The following PXDN variants were observed in gnomAD, a reference collection of about 807,000 sequenced individuals.
The protein encoded by PXDN is peroxidasin, also known as peroxidasin homolog.
PXDN carries 77 observed loss-of-function variants against 140.3 expected under a neutral mutation model. The ratio of observed to expected loss-of-function variants is 0.55; its 90% CI spans 0.46 to 0.66. The LOEUF (loss-of-function observed/expected upper bound fraction) is 0.66. PXDN is among the 30% of genes least tolerant of loss of function. The pLI is 0.00. For missense variants in PXDN, 1,838 were observed against 2,039.5 expected, an observed-to-expected ratio of 0.90 and a Z score of 1.90; for synonymous variants, 911 against 857.4, an observed-to-expected ratio of 1.06 and a Z score of -1.09.
intron 13 of PXDN, among the ~76,000 whole-genome samples, 156 bp from the exon 14 acceptor site, chr2:1,661,193 A>C (rs1273891963): frequency 6.6e-6 from 1 of 152,200 alleles, no homozygotes; most frequent in Non-Finnish European, 1.5e-5. Flanking sequence ...AAAGCGAAGG[A>C]GATGTGGTCA....
chr2:1,653,137 G>A (rs1012656266), intron 16 of PXDN: 8 of 238,834 alleles, frequency 3.3e-5, no homozygotes, highest in African/African-American at 1.3e-4. Context: ...AGTGAGTGGG[G>A]GACATACCTC....
intron 1 of PXDN, among the ~76,000 whole-genome samples, chr2:1,728,649 GC>G (rs772552782): frequency 3.6e-4 from 55 of 152,262 alleles, no homozygotes; most frequent in Non-Finnish European, 6.3e-4. Flanking sequence ...TGGTGATTTT[GC>G]TATTTAAAAC....
At chr2:1,698,094 G>T (rs973983865) in intron 1 of PXDN, among the ~76,000 whole-genome samples, 2 of 152,066 alleles carry the variant, frequency 1.3e-5, no homozygotes, top group African/African-American at 4.8e-5. Context: ...AAGCGTGAGG[G>T]GTGCATCCCT....
chr2:1,671,719 C>T (rs1162625630), intron 9 of PXDN, among the ~76,000 whole-genome samples: 2 of 152,208 alleles, frequency 1.3e-5, no homozygotes, highest in Admixed American at 1.3e-4. Flanking sequence ...CTACACGTCA[C>T]TCTATTCCTA....
chr2:1,635,611 A>T (rs1682531629), intron 21 of PXDN, 90 bp from the exon 22 acceptor site: 12 of 949,922 alleles, frequency 1.3e-5, no homozygotes, highest in Non-Finnish European at 1.7e-5. Context: ...ACTGAAAATA[A>T]TGCCTTAAAA....
chr2:1,637,271 G>C (rs1462660418), intron 21 of PXDN, among the ~76,000 whole-genome samples: 1 of 152,148 alleles, frequency 6.6e-6, no homozygotes, highest in Non-Finnish European at 1.5e-5. Flanking sequence ...GGTCAGCCTG[G>C]GTTTGTCTCT....
chr2:1,673,258 A>G (rs147203191), intron 9 of PXDN, among the ~76,000 whole-genome samples: 3 of 152,340 alleles, frequency 2.0e-5, no homozygotes, highest in South Asian at 2.1e-4. Context: ...CCAAGCCCTT[A>G]GCAAAATAGA....
intron 1 of PXDN, among the ~76,000 whole-genome samples, chr2:1,728,931 G>A (rs539061796): frequency 1.6e-4 from 24 of 152,288 alleles, no homozygotes; most frequent in Admixed American, 9.8e-4. Context: ...CAGCATTCTG[G>A]GGCTCTGCAG....
chr2:1,740,168 A>C (rs1244630349), intron 1 of PXDN, among the ~76,000 whole-genome samples: 1 of 152,170 alleles, frequency 6.6e-6, no homozygotes, highest in African/African-American at 2.4e-5. Flanking sequence ...GAGGAGGAGG[A>C]GGGCATGGGA....
At chr2:1,640,937 G>C (rs1382969839) in intron 19 of PXDN, among the ~76,000 whole-genome samples, 4 of 152,152 alleles carry the variant, frequency 2.6e-5, no homozygotes, top group Non-Finnish European at 5.9e-5. Context: ...CGTCCCTCCA[G>C]GATGGCCGTC....
chr2:1,735,525 C>T (rs566055130), intron 1 of PXDN, among the ~76,000 whole-genome samples: 3 of 152,166 alleles, frequency 2.0e-5, no homozygotes, highest in African/African-American at 7.2e-5. Context: ...TCTTGGGTGA[C>T]GAGATGCATT....
chr2:1,742,022 C>A (rs1685555432), intron 1 of PXDN, among the ~76,000 whole-genome samples: 1 of 152,172 alleles, frequency 6.6e-6, no homozygotes. Flanking sequence ...TGACACCTGT[C>A]CACTGTGCCT....
Position 1,655,278 on chromosome 2 carries a change from TAG to T in PXDN, c.1838-772_1838-771del, listed in dbSNP as rs778610221. Among the ~76,000 whole-genome samples, 11 of 148,906 alleles carry T rather than the reference TAG, an allele frequency of 7.4e-5. No homozygotes were observed. In the South Asian group the frequency reaches 1.1e-3, roughly 14 times the overall value. On this transcript the variant is annotated intron_variant, in intron 14 of 22. Coordinates refer to ENST00000252804, the MANE Select transcript of PXDN (RefSeq NM_012293.3). ...TACGCCACCTACACAGAACATTATA[TAG>T]AGACACACCACGCCACACATAACAC...
chr2:1,648,853 T>C lies in PXDN; in HGVS notation c.2927A>G (p.His976Arg). ...SPIPCFLAGD[H>R]RANEQLGLTS... ...CAGGCCCAGCTGCTCGTTGGCGCGG[T>C]GGTCCCCGGCCAGGAAGCAGGGGAT... Residue 976 changes from histidine (H) to arginine (R), a missense_variant, in exon 17 of 23, where the codon CAC (histidine) becomes CGC (arginine). Physicochemically the swap from His to Arg is conservative, Grantham distance 29. Around this residue, in one of 5 missense-constraint regions of PXDN, gnomAD observed 850 missense variants for 894.1 expected, o/e 0.95. Transcript: ENST00000252804. This position sits in a 1 kb window ranked among gnomAD's most constrained non-coding sequence, Gnocchi z 8.9. 1 of 1,599,654 alleles carries C rather than the reference T, an allele frequency of 6.3e-7. No homozygotes were observed. Among genetic ancestry groups the C allele is most frequent in the Non-Finnish European group, 8.5e-7 (1 of 1,175,948 alleles).
Position 1,639,826 on chromosome 2 carries a change from C to T in PXDN, c.3953-404G>A, listed in dbSNP as rs1211345482. The stretch of plus-strand genomic sequence containing the variant: ...GATGACAATCTGCACTCTGGAGTGC[C>T]TTAAAATTATGCTACACTCCCTACG... On this transcript the variant is annotated intron_variant, in intron 19 of 22. Coordinates refer to ENST00000252804, the MANE Select transcript of PXDN (RefSeq NM_012293.3). The surrounding 1 kb of genome is among the most constrained non-coding windows in gnomAD (Gnocchi z 5.0). 6.6e-6 allele frequency among the ~76,000 whole-genome samples: 1 copy of T among 152,214 alleles called. No individual in the cohort carries two copies. The highest frequency in any genetic ancestry group is 1.5e-5 in the Non-Finnish European group (1 of 68,046).
chr2:1,649,002 G>A lies in PXDN; in HGVS notation c.2778C>T (p.Ile926=). 4.3e-6 allele frequency: 7 copies of A among 1,612,118 alleles called. No individual in the cohort carries two copies. Among genetic ancestry groups the A allele is most frequent in the Non-Finnish European group, 5.9e-6 (7 of 1,179,454 alleles). ...GGCCGCGGTGGCTGGCCAGGTCGCGGATGCTGCGGGCCTCATGCTCCGTGC... is the reference window on the plus strand; with the variant it reads ...GGCCGCGGTGGCTGGCCAGGTCGCGAATGCTGCGGGCCTCATGCTCCGTGC... ...YGSTEHEARS[I]RDLASHRGLL... The change falls in exon 17 of 23, where the codon ATC becomes ATT. Residue 926 remains isoleucine, a synonymous_variant. Coordinates refer to ENST00000252804, the MANE Select transcript of PXDN (RefSeq NM_012293.3). This position sits in a 1 kb window ranked among gnomAD's most constrained non-coding sequence, Gnocchi z 7.1.
At chr2:1,724,377 A>G (rs922421232) in intron 1 of PXDN, among the ~76,000 whole-genome samples, 8 of 132,160 alleles carry the variant, frequency 6.1e-5, no homozygotes, top group Non-Finnish European at 1.1e-4. Context: ...TATCCTTTTT[A>G]TAGTAGGTTC....
At chr2:1,744,234 C>T (rs986346441) in intron 1 of PXDN, 22 bp downstream of exon 1, 4 of 1,471,932 alleles carry the variant, frequency 2.7e-6, no homozygotes, top group South Asian at 1.3e-5. Context: ...CCCGCGCCCC[C>T]GGCGTCCCCC....
At chr2:1,697,863 AG>A (rs1186418484) in intron 1 of PXDN, among the ~76,000 whole-genome samples, 2 of 152,210 alleles carry the variant, frequency 1.3e-5, no homozygotes, top group Non-Finnish European at 2.9e-5. Context: ...CCAACAAGCA[AG>A]GGGCTCTGGC....
Sources: gnomAD v4.1 joint callset for allele counts (sites outside exome capture counted in the v4.1 genomes callset) on GRCh38, gnomAD v4.1.1 for gene constraint, gnomAD v4.1.1 regional missense constraint, Gnocchi (gnomAD v3.1) non-coding constraint, MANE v1.5 for transcripts, NCBI Gene and HGNC (gene_info 2026-07-23, HGNC 2026-07-21) for gene names.